Variants in CALCR observed in about 807,000 individuals in gnomAD.
CALCR encodes calcitonin receptor.
A neutral mutation model predicts 59.5 loss-of-function variants in CALCR; 47 were observed. The ratio of observed to expected loss-of-function variants is 0.79; its 90% confidence interval spans 0.63 to 1.01. CALCR has a LOEUF of 1.01. Ranked by LOEUF, CALCR falls within the 50% of genes least tolerant of loss-of-function variation. The probability of loss-of-function intolerance (pLI) is 0.00; values close to 1 mark genes in which losing one functional copy is unlikely to be tolerated. For synonymous variants in CALCR, 213 were observed against 211.3 expected (o/e 1.01, Z -0.07); for missense variants, 566 against 597.1 (o/e 0.95, Z 0.54).
intron 6 of CALCR, among the ~76,000 whole-genome samples, chr7:93,470,046 C>A (rs567710375): frequency 3.3e-5 from 5 of 151,800 alleles, no homozygotes; most frequent in African/African-American, 1.2e-4. Context: ...CTTAGAATTT[C>A]AAAATGGACT....
At chr7:93,449,530 T>A (rs1800067922) in intron 8 of CALCR, among the ~76,000 whole-genome samples, 1 of 152,038 alleles carries the variant, frequency 6.6e-6, no homozygotes, top group Admixed American at 6.6e-5. Flanking sequence ...CCTCAGGACT[T>A]AAACCCAATA....
intron 4 of CALCR, 47 bp from the exon 5 acceptor site, chr7:93,477,715 T>A: frequency 1.7e-6 from 2 of 1,189,604 alleles, no homozygotes; most frequent in Non-Finnish European, 2.5e-6. Context: ...TGGATTTAAC[T>A]AAATGAGAAG....
chr7:93,563,889 G>A (rs1789800691), intron 2 of CALCR, among the ~76,000 whole-genome samples: 2 of 152,130 alleles, frequency 1.3e-5, no homozygotes, highest in African/African-American at 4.8e-5. Flanking sequence ...GTTTCCTTAT[G>A]AGTAAGAGTG....
At chr7:93,574,070 A>T (rs938152897) in intron 2 of CALCR, among the ~76,000 whole-genome samples, 1 of 152,188 alleles carries the variant, frequency 6.6e-6, no homozygotes, top group Non-Finnish European at 1.5e-5. Flanking sequence ...CGAAACCATA[A>T]GTTGTTGGCT....
chr7:93,570,392 A>G (rs1789974707), intron 2 of CALCR, among the ~76,000 whole-genome samples: 1 of 152,180 alleles, frequency 6.6e-6, no homozygotes, highest in Non-Finnish European at 1.5e-5. Flanking sequence ...TACTTAGAGG[A>G]AGAAAAATGT....
chr7:93,529,661 C>A (rs1007302686), intron 2 of CALCR, among the ~76,000 whole-genome samples: 1 of 151,938 alleles, frequency 6.6e-6, no homozygotes, highest in African/African-American at 2.4e-5. Flanking sequence ...ATTTGGATAT[C>A]TTGTATCTGA....
intron 2 of CALCR, among the ~76,000 whole-genome samples, chr7:93,498,623 G>A (rs1487627526): frequency 6.6e-6 from 1 of 151,538 alleles, no homozygotes; most frequent in Non-Finnish European, 1.5e-5. Context: ...GCCAAACTTC[G>A]ATATGTGAGA....
chr7:93,480,689 TC>T (rs1322416588), intron 3 of CALCR, among the ~76,000 whole-genome samples: 1 of 151,828 alleles, frequency 6.6e-6, no homozygotes, highest in Non-Finnish European at 1.5e-5. Context: ...TGCTAAGCTG[TC>T]CAGCACAGAA....
At chr7:93,483,516 T>TTTTA (rs1554400827) in intron 3 of CALCR, among the ~76,000 whole-genome samples, 1 of 147,904 alleles carries the variant, frequency 6.8e-6, no homozygotes, top group Non-Finnish European at 1.5e-5. Context: ...TTTATGTATA[T>TTTTA]TATATATATA....
At chr7:93,460,013 A>G (rs1333149006) in intron 8 of CALCR, among the ~76,000 whole-genome samples, 1 of 152,174 alleles carries the variant, frequency 6.6e-6, no homozygotes, top group Non-Finnish European at 1.5e-5. Flanking sequence ...ATAATGACAC[A>G]AAACATGATC....
chr7:93,501,131 T>G (rs2116000903), intron 2 of CALCR, among the ~76,000 whole-genome samples: 1 of 152,144 alleles, frequency 6.6e-6, no homozygotes, highest in Middle Eastern at 3.4e-3. Flanking sequence ...TCAGCAACGA[T>G]ATACAAATAG....
intron 7 of CALCR, among the ~76,000 whole-genome samples, chr7:93,462,940 A>G (rs1800368240): frequency 6.6e-6 from 1 of 152,006 alleles, no homozygotes; most frequent in Non-Finnish European, 1.5e-5. Context: ...TGAAAGTGCT[A>G]AAGGAATTTA....
chr7:93,545,298 G>A (rs1324505964), intron 2 of CALCR, among the ~76,000 whole-genome samples: 1 of 152,044 alleles, frequency 6.6e-6, no homozygotes, highest in African/African-American at 2.4e-5. Flanking sequence ...TCTGGCTGTA[G>A]AGTGCTGGTT....
At chr7:93,552,910 C>T (rs1789499310) in intron 2 of CALCR, among the ~76,000 whole-genome samples, 2 of 152,246 alleles carry the variant, frequency 1.3e-5, no homozygotes, top group South Asian at 4.1e-4. Flanking sequence ...CAGTGTAGCA[C>T]ATATCACAAC....
chr7:93,548,018 T>C (rs956304068), intron 2 of CALCR, among the ~76,000 whole-genome samples: 1 of 152,190 alleles, frequency 6.6e-6, no homozygotes, highest in African/African-American at 2.4e-5. Context: ...GGTGTACACA[T>C]AACCCTGTCT....
intron 2 of CALCR, among the ~76,000 whole-genome samples, chr7:93,535,292 C>T (rs1288373902): frequency 1.3e-5 from 2 of 151,634 alleles, no homozygotes; most frequent in Non-Finnish European, 3.0e-5. Flanking sequence ...AATTACACAA[C>T]TGAAATCTAT....
chr7:93,540,431 A>G (rs1476205254), intron 2 of CALCR, among the ~76,000 whole-genome samples: 2 of 152,176 alleles, frequency 1.3e-5, no homozygotes, highest in East Asian at 3.8e-4. Flanking sequence ...ATTGAGATCC[A>G]ATAAAATGTT....
At chr7:93,426,869 G>A (rs917973927) in intron 13 of CALCR, among the ~76,000 whole-genome samples, 1 of 152,174 alleles carries the variant, frequency 6.6e-6, no homozygotes, top group Non-Finnish European at 1.5e-5. Context: ...ATGAATAAAA[G>A]TTGATTTGGT....
intron 6 of CALCR, among the ~76,000 whole-genome samples, chr7:93,469,097 C>T (rs1378214909): frequency 6.6e-6 from 1 of 151,752 alleles, no homozygotes; most frequent in Non-Finnish European, 1.5e-5. Flanking sequence ...CATCCCTAAG[C>T]CCAGTAAGCA....
Sources: allele counts gnomAD v4.1 joint callset (sites outside exome capture counted in the v4.1 genomes callset), GRCh38; gene constraint gnomAD v4.1.1; transcripts MANE v1.5; gene names NCBI Gene and HGNC (gene_info 2026-07-23, HGNC 2026-07-21).